ST8SIA6: variants seen among roughly 807,000 people sequenced by gnomAD.
ST8SIA6 encodes alpha-2,8-sialyltransferase 8F.
In ST8SIA6, 39 loss-of-function variants were observed where a neutral mutation model predicts 33.6. The observed-to-expected ratio is 1.16, with a 90% confidence interval of 0.90 to 1.52. ST8SIA6 has a LOEUF of 1.52. Ranked by LOEUF, ST8SIA6 falls within the 40% of genes most tolerant of loss-of-function variation. ST8SIA6 has a pLI of 0.00. For missense variants in ST8SIA6, 441 were observed against 443.8 expected (o/e 0.99, Z 0.06); for synonymous variants, 172 against 167.2 (o/e 1.03, Z -0.22).
intron 4 of ST8SIA6, among the ~76,000 whole-genome samples, chr10:17,346,154 G>C (rs974521211): frequency 1.3e-5 from 2 of 152,218 alleles, no homozygotes; most frequent in Non-Finnish European, 2.9e-5. Context: ...CACATATGGA[G>C]GTTCCTTTGA....
intron 3 of ST8SIA6, among the ~76,000 whole-genome samples, chr10:17,376,290 G>A (rs1246847908): frequency 6.6e-6 from 1 of 152,124 alleles, no homozygotes; most frequent in East Asian, 1.9e-4. Flanking sequence ...AACATCTGGG[G>A]GAAAAGCCAC....
In ST8SIA6 at chr10:17,381,403, TTA is replaced by T. The variant is rs1850147677; in HGVS notation, c.290+9126_290+9127del. ...CTCCATCGGCATGCCTAATACGTCT[TTA>T]TATGTTTTTAGGTGTTGTGTACACA... On this transcript the variant is annotated intron_variant, in intron 3 of 7. Coordinates refer to ENST00000377602, the MANE Select transcript of ST8SIA6 (RefSeq NM_001004470.3). Among the ~76,000 whole-genome samples the T allele has an allele frequency of 2.0e-5, 3 of 152,254 alleles. No homozygotes were observed. In the South Asian group the frequency reaches 6.2e-4, roughly 32 times the overall value.
chr10:17,448,782 A>ATT (rs753562099), intron 2 of ST8SIA6, among the ~76,000 whole-genome samples: 1,672 of 123,454 alleles, frequency 0.014, 25 homozygotes, highest in Non-Finnish European at 0.02. Context: ...CGCCAGGCTA[A>ATT]TTTTTTTTTT....
At chr10:17,377,305 C>T (rs1320798489) in intron 3 of ST8SIA6, among the ~76,000 whole-genome samples, 1 of 152,202 alleles carries the variant, frequency 6.6e-6, no homozygotes, top group African/African-American at 2.4e-5. Flanking sequence ...TGCTGACTCC[C>T]TTTTCGGACT....
chr10:17,318,450 A>G lies in ST8SIA6; in HGVS notation c.*2428T>C. ...AGGCTAGTCTCAAACTCCTGGCCTC[A>G]AGTGACCCACCCACCTTGGCCTCCC... On this transcript the variant is annotated 3_prime_UTR_variant, in exon 8 of 8. Coordinates refer to ENST00000377602, the MANE Select transcript of ST8SIA6 (RefSeq NM_001004470.3). 3.0e-6 allele frequency: 1 copy of G among 338,510 alleles called. No individual in the cohort carries two copies. Among genetic ancestry groups the G allele is most frequent in the Non-Finnish European group, 5.7e-6 (1 of 174,858 alleles). 21.0% of individuals were successfully genotyped at this position (338,510 alleles called of 1,614,324 possible).
chr10:17,402,830 C>G (rs1554797811), intron 2 of ST8SIA6, among the ~76,000 whole-genome samples: 2 of 152,066 alleles, frequency 1.3e-5, no homozygotes, highest in Non-Finnish European at 2.9e-5. Flanking sequence ...ATGTAAATGA[C>G]AAATTAATGG....
At chr10:17,437,067 T>G (rs1408588670) in intron 2 of ST8SIA6, among the ~76,000 whole-genome samples, 1 of 152,198 alleles carries the variant, frequency 6.6e-6, no homozygotes, top group Non-Finnish European at 1.5e-5. Flanking sequence ...CCAAGAACAC[T>G]CCATCTGTGT....
intron 2 of ST8SIA6, among the ~76,000 whole-genome samples, chr10:17,418,737 A>G (rs1465522134): frequency 6.6e-6 from 1 of 152,200 alleles, no homozygotes; most frequent in Non-Finnish European, 1.5e-5. Flanking sequence ...TCATGCCTGT[A>G]ATCCCAGCAC....
chr10:17,434,833 G>A (rs116993323), intron 2 of ST8SIA6, among the ~76,000 whole-genome samples: 2,953 of 152,280 alleles, frequency 0.019, 42 homozygotes, highest in Admixed American at 0.038. Flanking sequence ...CACTGGCATG[G>A]TTTATGGTTT....
At position 17,370,055 on chromosome 10, in the gene ST8SIA6, A is replaced by G. The variant is rs186047864; in HGVS notation, c.291-10455T>C. Among the ~76,000 whole-genome samples the G allele has an allele frequency of 2.0e-5, 3 of 150,012 alleles. No homozygotes were observed. In the Admixed American group the frequency reaches 2.0e-4, roughly 10 times the overall value. On this transcript the variant is annotated intron_variant, in intron 3 of 7. Coordinates refer to ENST00000377602, the MANE Select transcript of ST8SIA6 (RefSeq NM_001004470.3). ...CGCTGCAGTGGCATGATCTCGGCTC[A>G]CTGCAAGCTCCGCCTCCTGGGTTCA... is the stretch of plus-strand genomic sequence containing the variant.
chr10:17,327,283 C>T (rs966006664), intron 5 of ST8SIA6, among the ~76,000 whole-genome samples, 157 bp from the exon 6 acceptor site: 2 of 152,178 alleles, frequency 1.3e-5, no homozygotes, highest in Non-Finnish European at 2.9e-5. Context: ...CTTACTATGA[C>T]TTAGCATAAA....
intron 2 of ST8SIA6, among the ~76,000 whole-genome samples, chr10:17,435,044 CA>C (rs1852208719): frequency 6.6e-6 from 1 of 152,188 alleles, no homozygotes; most frequent in Non-Finnish European, 1.5e-5. Context: ...AAATTACACT[CA>C]GGGGGATGCC....
intron 3 of ST8SIA6, among the ~76,000 whole-genome samples, chr10:17,378,700 C>T (rs547652860): frequency 6.6e-6 from 1 of 152,138 alleles, no homozygotes; most frequent in Non-Finnish European, 1.5e-5. Flanking sequence ...TTTAAGTCCA[C>T]CCCCAAAATC....
At chr10:17,449,297 T>G (rs545631994) in intron 2 of ST8SIA6, among the ~76,000 whole-genome samples, 189 of 152,018 alleles carry the variant, frequency 1.2e-3, no homozygotes, top group Non-Finnish European at 2.0e-3. Context: ...AATTGAGAAA[T>G]AAATCCAAGA....
intron 2 of ST8SIA6, among the ~76,000 whole-genome samples, chr10:17,396,229 C>T (rs1192776937): frequency 2.6e-5 from 4 of 152,196 alleles, no homozygotes; most frequent in African/African-American, 4.8e-5. Flanking sequence ...CATCTTGTCA[C>T]CTGGCAAATC....
intron 2 of ST8SIA6, among the ~76,000 whole-genome samples, chr10:17,392,411 C>G (rs1488528072): frequency 6.6e-6 from 1 of 152,056 alleles, no homozygotes. Context: ...CCTCTAGTCC[C>G]AGCACTTTGG....
chr10:17,400,859 A>G (rs1851012238), intron 2 of ST8SIA6, among the ~76,000 whole-genome samples: 1 of 152,214 alleles, frequency 6.6e-6, no homozygotes, highest in Admixed American at 6.5e-5. Context: ...ATTCTCTTTG[A>G]AAAGTGGCAT....
intron 2 of ST8SIA6, among the ~76,000 whole-genome samples, chr10:17,406,582 G>A (rs1044116095): frequency 2.6e-5 from 4 of 152,098 alleles, no homozygotes; most frequent in Admixed American, 2.0e-4. Context: ...AACTACAAAC[G>A]TATGAGGGTT....
chr10:17,342,643 G>C (rs1278668515), intron 4 of ST8SIA6, among the ~76,000 whole-genome samples: 2 of 152,062 alleles, frequency 1.3e-5, no homozygotes. Context: ...GGAGACTTGT[G>C]ATATATTTAG....
Sources: gnomAD v4.1 joint callset for allele counts (sites outside exome capture counted in the v4.1 genomes callset) on GRCh38, gnomAD v4.1.1 for gene constraint, MANE v1.5 for transcripts, NCBI Gene and HGNC (gene_info 2026-07-23, HGNC 2026-07-21) for gene names.